The following THSD7B variants were observed in gnomAD, a reference collection of about 807,000 sequenced individuals.
THSD7B encodes thrombospondin type-1 domain-containing protein 7B.
Under a neutral mutation model 213.6 loss-of-function variants are expected in THSD7B, and 138 were observed. The observed-to-expected ratio is 0.65, with a 90% confidence interval of 0.56 to 0.74. The LOEUF (loss-of-function observed/expected upper bound fraction) is 0.74, where lower values mean the gene tolerates loss of function less well. THSD7B is among the 30% of genes least tolerant of loss of function. THSD7B has a pLI of 0.00. For missense variants in THSD7B, 1,931 were observed against 1,991.5 expected, an observed-to-expected ratio of 0.97 and a Z score of 0.58; for synonymous variants, 742 against 687.0, an observed-to-expected ratio of 1.08 and a Z score of -1.25.
At chr2:137,598,877 CTT>C (rs57408242) in intron 17 of THSD7B, among the ~76,000 whole-genome samples, 2,720 of 138,400 alleles carry the variant, frequency 0.02, 88 homozygotes, top group African/African-American at 0.062. Flanking sequence ...CATTTTGGTT[CTT>C]TTTTTTTTTT....
At chr2:137,238,940 TTAA>T (rs199717090) in intron 9 of THSD7B, among the ~76,000 whole-genome samples, 7 of 135,052 alleles carry the variant, frequency 5.2e-5, no homozygotes, top group East Asian at 3.9e-4. Context: ...TTAAAGATAG[TTAA>T]TAATAATAAT....
chr2:137,361,130 C>T (rs1207774422), intron 12 of THSD7B, among the ~76,000 whole-genome samples: 2 of 152,176 alleles, frequency 1.3e-5, no homozygotes, highest in Non-Finnish European at 1.5e-5. Flanking sequence ...AGACCTGTAG[C>T]TGAGGGACCT....
chr2:137,584,401 C>T (rs1461257915), intron 17 of THSD7B, among the ~76,000 whole-genome samples: 1 of 152,192 alleles, frequency 6.6e-6, no homozygotes, highest in Non-Finnish European at 1.5e-5. Context: ...AGAGGACATT[C>T]CTGTCTTGTG....
chr2:137,643,676 C>T (rs903018309), intron 21 of THSD7B, among the ~76,000 whole-genome samples: 20 of 152,040 alleles, frequency 1.3e-4, no homozygotes, highest in Non-Finnish European at 2.4e-4. Context: ...AATATTGCTC[C>T]TTATCATTGG....
chr2:136,906,381 A>G (rs1204857712), intron 2 of THSD7B: 1 of 152,166 alleles, frequency 6.6e-6, no homozygotes, highest in African/African-American at 2.4e-5. Context: ...ATATCCATTT[A>G]TTGAGAGAAA....
Position 136,926,035 on chromosome 2 carries a change from C to G in THSD7B, c.139+43718C>G, listed in dbSNP as rs778444964. 2.6e-4 allele frequency among the ~76,000 whole-genome samples: 40 copies of G among 152,212 alleles called. 1 individual carries two copies. In the Middle Eastern group the frequency reaches 0.014, roughly 52 times the overall value. On this transcript the variant is annotated intron_variant, in intron 2 of 27. Coordinates refer to ENST00000409968, the MANE Select transcript of THSD7B (RefSeq NM_001316349.2). ...GAAAGTTTCTTCCAATTCCCTCACTCTCATTCCTCTCTGCAAAAAGCTTCT... is the reference window on the plus strand; with the variant it reads ...GAAAGTTTCTTCCAATTCCCTCACTGTCATTCCTCTCTGCAAAAAGCTTCT...
chr2:137,632,193 T>A (rs552506187), intron 20 of THSD7B, among the ~76,000 whole-genome samples: 1 of 152,206 alleles, frequency 6.6e-6, no homozygotes, highest in African/African-American at 2.4e-5. Flanking sequence ...GCTATATCAC[T>A]ATAAAAATTA....
intron 15 of THSD7B, among the ~76,000 whole-genome samples, chr2:137,533,234 G>A (rs142269449): frequency 6.1e-4 from 92 of 151,596 alleles, no homozygotes; most frequent in African/African-American, 1.8e-3. Flanking sequence ...CATTCCTCTC[G>A]TATCAGAAAT....
At chr2:137,400,705 T>C (rs1013238851) in intron 12 of THSD7B, among the ~76,000 whole-genome samples, 18 of 152,184 alleles carry the variant, frequency 1.2e-4, no homozygotes, top group African/African-American at 4.1e-4. Context: ...TCCAGACCAG[T>C]AGGTGGCTTT....
chr2:137,605,988 G>C (rs1682168609), intron 17 of THSD7B, among the ~76,000 whole-genome samples: 1 of 151,660 alleles, frequency 6.6e-6, no homozygotes. Flanking sequence ...ATTTTTAGTA[G>C]AGACGGGGTT....
rs578014407 is a variant in THSD7B at position 137,058,379 on chromosome 2, C to T, written c.950+1149C>T. 6.6e-5 allele frequency among the ~76,000 whole-genome samples: 10 copies of T among 152,060 alleles called. No individual in the cohort carries two copies. The South Asian group carries it at 1.5e-3, about 22-fold the overall frequency. ...TAAATACATTGTTTTCTTAATATTC[C>T]GTACTGTATTGCTGAAGTGAGCATT... On this transcript the variant is annotated intron_variant, in intron 3 of 27. Coordinates refer to ENST00000409968, the MANE Select transcript of THSD7B (RefSeq NM_001316349.2).
intron 12 of THSD7B, among the ~76,000 whole-genome samples, chr2:137,306,315 C>T (rs1294626631): frequency 6.6e-6 from 1 of 152,074 alleles, no homozygotes; most frequent in Non-Finnish European, 1.5e-5. Context: ...TTACGTGGCA[C>T]ATGACTATAT....
At chr2:137,291,446 C>T (rs1399287087) in intron 12 of THSD7B, among the ~76,000 whole-genome samples, 1 of 152,112 alleles carries the variant, frequency 6.6e-6, no homozygotes, top group African/African-American at 2.4e-5. Flanking sequence ...AAAGTTACTC[C>T]ATAAATGTTT....
intron 1 of THSD7B, among the ~76,000 whole-genome samples, chr2:136,861,453 A>G (rs569382919): frequency 1.3e-5 from 2 of 152,230 alleles, no homozygotes. Context: ...ACATGTAGTT[A>G]GGTATTATAT....
intron 5 of THSD7B, among the ~76,000 whole-genome samples, chr2:137,128,655 G>A (rs13388902): frequency 1.3e-5 from 2 of 152,230 alleles, no homozygotes; most frequent in East Asian, 1.9e-4. Context: ...TCAGTTGCAG[G>A]CCTAGGGCCC....
intron 12 of THSD7B, among the ~76,000 whole-genome samples, chr2:137,316,022 T>G (rs1434512886): frequency 6.6e-6 from 1 of 152,262 alleles, no homozygotes; most frequent in East Asian, 1.9e-4. Context: ...TATTTTAACT[T>G]TTAAATTCTT....
At chr2:137,190,912 G>A (rs570441970) in intron 7 of THSD7B, among the ~76,000 whole-genome samples, 7 of 152,300 alleles carry the variant, frequency 4.6e-5, no homozygotes, top group South Asian at 2.1e-4. Flanking sequence ...TGCTGGCAGC[G>A]GACTGCTGCG....
chr2:137,064,283 CTGTT>C (rs1336457796), intron 3 of THSD7B, among the ~76,000 whole-genome samples: 13 of 151,932 alleles, frequency 8.6e-5, no homozygotes, highest in Admixed American at 6.6e-5. Context: ...TTCCATATGC[CTGTT>C]TGTCATTTCT....
chr2:136,786,071 T>G (rs563270534), intron 1 of THSD7B, among the ~76,000 whole-genome samples: 2 of 152,148 alleles, frequency 1.3e-5, no homozygotes. Context: ...CATATAATCA[T>G]GTTGAGGCTA....
Sources: gnomAD v4.1 joint callset for allele counts (sites outside exome capture counted in the v4.1 genomes callset) on GRCh38, gnomAD v4.1.1 for gene constraint, MANE v1.5 for transcripts, NCBI Gene and HGNC (gene_info 2026-07-23, HGNC 2026-07-21) for gene names.